Variants in FAM171A1 observed in about 807,000 individuals in gnomAD.
The protein encoded by FAM171A1 is family with sequence similarity 171 member A1.
A neutral mutation model predicts 74.9 loss-of-function variants in FAM171A1; 23 were observed. That is an observed-to-expected ratio of 0.31 (90% CI 0.22 to 0.44). The LOEUF is 0.44. FAM171A1 is among the 20% of genes least tolerant of loss of function. The pLI, the probability that FAM171A1 is intolerant of heterozygous loss-of-function variation, is 1.00. For missense variants in FAM171A1, 1,162 were observed against 1,159.2 expected (o/e 1.00, Z -0.03); for synonymous variants, 527 against 505.7 (o/e 1.04, Z -0.57).
At position 15,212,614 on chromosome 10, in the gene FAM171A1, G is replaced by A. The variant is rs1833904003; in HGVS notation, c.*301C>T. On this transcript the variant is annotated 3_prime_UTR_variant, in exon 8 of 8. Coordinates refer to ENST00000378116, the MANE Select transcript of FAM171A1 (RefSeq NM_001010924.2). ...ACTGAGGTGATCGTTAGAGCATAGC[G>A]ACATCACGTGCGGTTTCTTAATGTC... is the stretch of plus-strand genomic sequence containing the variant. 3 of 419,460 alleles carry A rather than the reference G, an allele frequency of 7.2e-6. No individual in the cohort carries two copies. Among genetic ancestry groups the A allele is most frequent in the Middle Eastern group, 1.4e-3 (2 of 1,452 alleles). The allele number at this position is 419,460 out of a possible 1,614,324, so 26.0% of individuals were successfully genotyped here.
At chr10:15,337,732 T>A (rs993422889) in intron 1 of FAM171A1, among the ~76,000 whole-genome samples, 32 of 152,194 alleles carry the variant, frequency 2.1e-4, no homozygotes, top group Non-Finnish European at 3.8e-4. Context: ...GCGGATCACT[T>A]GAGATCGGGA....
chr10:15,271,431 G>C (rs1834823624), intron 3 of FAM171A1, among the ~76,000 whole-genome samples: 1 of 152,204 alleles, frequency 6.6e-6, no homozygotes, highest in African/African-American at 2.4e-5. Flanking sequence ...AAGCGACGGG[G>C]AGAATGGAAC....
chr10:15,338,604 C>T (rs538987322), intron 1 of FAM171A1, among the ~76,000 whole-genome samples: 1 of 152,112 alleles, frequency 6.6e-6, no homozygotes, highest in Non-Finnish European at 1.5e-5. Context: ...ATTAAGAGAC[C>T]CAAAATTCAA....
At chr10:15,300,618 A>C (rs1835216748) in intron 1 of FAM171A1, among the ~76,000 whole-genome samples, 2 of 127,692 alleles carry the variant, frequency 1.6e-5, no homozygotes, top group Admixed American at 1.5e-4. Flanking sequence ...AAAAAAAATA[A>C]ACAAAAAAAA....
chr10:15,252,754 C>T (rs1365589765), intron 4 of FAM171A1, among the ~76,000 whole-genome samples: 1 of 152,192 alleles, frequency 6.6e-6, no homozygotes, highest in East Asian at 1.9e-4. Context: ...AAAGACCTCT[C>T]TTCCCTTTGA....
intron 3 of FAM171A1, among the ~76,000 whole-genome samples, chr10:15,259,996 T>A (rs1318410974): frequency 6.6e-6 from 1 of 152,012 alleles, no homozygotes; most frequent in African/African-American, 2.4e-5. Flanking sequence ...TGGCTAATTT[T>A]TATATTTTTT....
chr10:15,321,278 G>A (rs1835483916), intron 1 of FAM171A1, among the ~76,000 whole-genome samples: 1 of 152,312 alleles, frequency 6.6e-6, no homozygotes, highest in South Asian at 2.1e-4. Flanking sequence ...AAGTCCAGTA[G>A]ACCCTGGGCC....
At chr10:15,319,423 C>G (rs536030769) in intron 1 of FAM171A1, among the ~76,000 whole-genome samples, 1 of 151,590 alleles carries the variant, frequency 6.6e-6, no homozygotes, top group Non-Finnish European at 1.5e-5. Flanking sequence ...GAACAATAGT[C>G]CAGGGATTTT....
At chr10:15,312,671 G>GTTTT (rs1835374361) in intron 1 of FAM171A1, among the ~76,000 whole-genome samples, 1 of 51,882 alleles carries the variant, frequency 1.9e-5, no homozygotes, top group African/African-American at 7.4e-5. Flanking sequence ...TCAGCACTGT[G>GTTTT]TGTTTTTTTT....
chr10:15,289,440 T>A (rs1191340338), intron 1 of FAM171A1, among the ~76,000 whole-genome samples: 2 of 152,116 alleles, frequency 1.3e-5, no homozygotes, highest in Non-Finnish European at 2.9e-5. Context: ...ACCCTGCACA[T>A]CCATCACCAA....
intron 1 of FAM171A1, among the ~76,000 whole-genome samples, chr10:15,342,538 A>G (rs928344987): frequency 2.0e-5 from 3 of 152,178 alleles, no homozygotes; most frequent in African/African-American, 7.2e-5. Flanking sequence ...ACTGCACTCC[A>G]GCCTGGGCGA....
chr10:15,257,701 C>G (rs1263293923), intron 3 of FAM171A1, among the ~76,000 whole-genome samples: 1 of 152,092 alleles, frequency 6.6e-6, no homozygotes, highest in Non-Finnish European at 1.5e-5. Context: ...CGGGTACCAT[C>G]CATGAGGGAC....
intron 1 of FAM171A1, 26 bp from the exon 2 acceptor site, chr10:15,284,131 C>T: frequency 1.2e-6 from 2 of 1,600,372 alleles, no homozygotes. Flanking sequence ...GCACAAAGAA[C>T]AGCTACTGTC....
At chr10:15,302,873 T>G (rs534718201) in intron 1 of FAM171A1, among the ~76,000 whole-genome samples, 29 of 152,320 alleles carry the variant, frequency 1.9e-4, no homozygotes, top group African/African-American at 7.0e-4. Flanking sequence ...TGCTGACGCC[T>G]ACAAGTCATG....
Position 15,371,014 on chromosome 10 carries a change from GC to G in FAM171A1, c.38del (p.Gly13AlafsTer8). ...RSATLLLCLL[G>X]CHVWKAVTKT... is the part of the protein sequence containing the mutation. The stretch of plus-strand genomic sequence containing the variant: ...TGGTCACCGCCTTCCAGACGTGGCA[GC>G]CCAGCAGGCACAGCAGCAGCGTCGC... On this transcript the variant is annotated frameshift_variant, in exon 1 of 8. Coordinates refer to ENST00000378116, the MANE Select transcript of FAM171A1 (RefSeq NM_001010924.2). LOFTEE classifies it high-confidence loss of function. 8.4e-7 allele frequency: 1 copy of G among 1,188,114 alleles called. No individual in the cohort carries two copies. Among genetic ancestry groups the G allele is most frequent in the Non-Finnish European group, 1.1e-6 (1 of 936,066 alleles). 73.6% of individuals were successfully genotyped at this position (1,188,114 alleles called of 1,614,324 possible).
rs764813651 is a variant in FAM171A1 at position 15,213,476 on chromosome 10, G to A, written c.2112C>T (p.His704=). 3.1e-6 allele frequency: 5 copies of A among 1,614,016 alleles called. No homozygotes were observed. The highest frequency in any genetic ancestry group is 4.2e-6 in the Non-Finnish European group (5 of 1,180,040). The part of the protein sequence containing the change: ...MELGGGKPLP[H]PRAWFVSLDG... ...CCAAGGAGACGAACCACGCCCGGGGGTGCGGAAGCGGCTTCCCACCCCCAA... is the reference window on the plus strand; with the variant it reads ...CCAAGGAGACGAACCACGCCCGGGGATGCGGAAGCGGCTTCCCACCCCCAA... The change falls in exon 8 of 8, where the codon CAC becomes CAT. Residue 704 remains histidine, a synonymous_variant. Coordinates refer to ENST00000378116, the MANE Select transcript of FAM171A1 (RefSeq NM_001010924.2). This position sits in a 1 kb window ranked among gnomAD's most constrained non-coding sequence, Gnocchi z 6.8.
intron 5 of FAM171A1, among the ~76,000 whole-genome samples, chr10:15,242,181 T>G (rs1834371918): frequency 6.6e-6 from 1 of 152,196 alleles, no homozygotes; most frequent in African/African-American, 2.4e-5. Context: ...CATTCCCCAT[T>G]TTTTTCCTGA....
At chr10:15,248,845 G>A (rs1205555081) in intron 4 of FAM171A1, 30 bp from the exon 5 acceptor site, 4 of 1,585,004 alleles carry the variant, frequency 2.5e-6, no homozygotes, top group Non-Finnish European at 3.4e-6. Flanking sequence ...TCCATCATTT[G>A]CATGCAAAGT....
At chr10:15,313,064 T>C (rs1024505371) in intron 1 of FAM171A1, among the ~76,000 whole-genome samples, 1 of 152,166 alleles carries the variant, frequency 6.6e-6, no homozygotes, top group African/African-American at 2.4e-5. Context: ...TGATTTCCAT[T>C]CTGGCCTGGG....
Sources: gnomAD v4.1 joint callset for allele counts (sites outside exome capture counted in the v4.1 genomes callset) on GRCh38, gnomAD v4.1.1 for gene constraint, Gnocchi (gnomAD v3.1) non-coding constraint, MANE v1.5 for transcripts, NCBI Gene and HGNC (gene_info 2026-07-23, HGNC 2026-07-21) for gene names.